Variants in DEPTOR observed in about 807,000 individuals in gnomAD.
DEPTOR encodes DEP domain-containing mTOR-interacting protein.
A neutral mutation model predicts 41.6 loss-of-function variants in DEPTOR; 41 were observed. The observed-to-expected ratio is 0.98, with a 90% confidence interval of 0.77 to 1.28. The LOEUF is 1.28. Ranked by LOEUF, DEPTOR falls within the 50% of genes most tolerant of loss-of-function variation. The pLI, the probability that DEPTOR is intolerant of heterozygous loss-of-function variation, is 0.00. For missense variants in DEPTOR, 514 were observed against 527.9 expected (o/e 0.97, Z 0.26); for synonymous variants, 195 against 192.3 (o/e 1.01, Z -0.12).
At chr8:119,981,652 C>CAA (rs33975978) in intron 4 of DEPTOR, among the ~76,000 whole-genome samples, 28,713 of 136,696 alleles carry the variant, frequency 0.21, 3,215 homozygotes, top group Middle Eastern at 0.32. Flanking sequence ...GACCCTATCT[C>CAA]AAAAAAAAAA....
At chr8:119,924,430 G>C (rs1032077462) in intron 1 of DEPTOR, among the ~76,000 whole-genome samples, 3 of 151,898 alleles carry the variant, frequency 2.0e-5, no homozygotes, top group Non-Finnish European at 4.4e-5. Context: ...CAAACTTTGG[G>C]GTTCTTAATG....
chr8:119,970,785 T>G (rs1398583109), intron 4 of DEPTOR, among the ~76,000 whole-genome samples: 10 of 151,948 alleles, frequency 6.6e-5, no homozygotes, highest in Non-Finnish European at 1.5e-5. Context: ...TCGGGTGGAG[T>G]GTGGAGAAAT....
At chr8:119,905,186 C>T (rs1827646597) in intron 1 of DEPTOR, among the ~76,000 whole-genome samples, 1 of 152,002 alleles carries the variant, frequency 6.6e-6, no homozygotes. Context: ...AATATGAAAA[C>T]CATTGGAATC....
intron 8 of DEPTOR, among the ~76,000 whole-genome samples, chr8:120,041,803 C>T (rs767027438): frequency 6.6e-5 from 10 of 152,190 alleles, no homozygotes; most frequent in Non-Finnish European, 1.0e-4. Context: ...TCCCAAAGTG[C>T]TGGGATTACA....
At chr8:119,876,637 CA>C (rs58180956) in intron 1 of DEPTOR, among the ~76,000 whole-genome samples, 42,290 of 138,706 alleles carry the variant, frequency 0.3, 6,288 homozygotes, top group African/African-American at 0.37. Context: ...GCCTCCATCT[CA>C]AAAAAAAAAA....
chr8:120,033,926 G>A (rs1812933593), intron 8 of DEPTOR, among the ~76,000 whole-genome samples: 1 of 152,070 alleles, frequency 6.6e-6, no homozygotes, highest in Non-Finnish European at 1.5e-5. Context: ...CAAATGAAGG[G>A]GCGGGTGACT....
At chr8:120,001,107 A>G (rs1015422679) in intron 4 of DEPTOR, among the ~76,000 whole-genome samples, 6 of 151,600 alleles carry the variant, frequency 4.0e-5, no homozygotes, top group African/African-American at 1.5e-4. Flanking sequence ...GAGTGTGGCT[A>G]TGAGACAAGC....
rs747315642 is a variant in DEPTOR at position 119,991,030 on chromosome 8, T to TTTTCTTTCTTTCTTTCTTTCTTTC, written c.605-10459_605-10436dup. Reference sequence around the variant, plus strand: ...GGCCTTAAGTACAGCTCGGGTTTTCTTTTCTTTCTTTCTTTCTTTCTTTCT... The same window carrying TTTTCTTTCTTTCTTTCTTTCTTTC: ...GGCCTTAAGTACAGCTCGGGTTTTCTTTTCTTTCTTTCTTTCTTTCTTTCTTTCTTTCTTTCTTTCTTTCTTTCT... On this transcript the variant is annotated intron_variant, in intron 4 of 8. Coordinates refer to ENST00000286234, the MANE Select transcript of DEPTOR (RefSeq NM_022783.4). Among the ~76,000 whole-genome samples the TTTTCTTTCTTTCTTTCTTTCTTTC allele has an allele frequency of 7.0e-3, 375 of 53,666 alleles. 1 individual carries two copies. Among genetic ancestry groups the TTTTCTTTCTTTCTTTCTTTCTTTC allele is most frequent in the Middle Eastern group, 0.013 (1 of 78 alleles). The allele number at this position is 53,666 out of a possible 152,430, so 35.2% of individuals were successfully genotyped here.
intron 8 of DEPTOR, among the ~76,000 whole-genome samples, chr8:120,022,335 G>T (rs1440325012): frequency 6.6e-6 from 1 of 152,014 alleles, no homozygotes; most frequent in East Asian, 1.9e-4. Context: ...TTAACGTTTT[G>T]TTGACACTAA....
intron 8 of DEPTOR, among the ~76,000 whole-genome samples, chr8:120,012,885 A>G (rs552437714): frequency 1.3e-5 from 2 of 152,092 alleles, no homozygotes; most frequent in African/African-American, 4.8e-5. Context: ...GGCCAGGCTC[A>G]GTGGCTCATG....
At chr8:119,974,986 A>G (rs1563579296) in intron 4 of DEPTOR, among the ~76,000 whole-genome samples, 2 of 152,002 alleles carry the variant, frequency 1.3e-5, no homozygotes, top group African/African-American at 4.8e-5. Context: ...CCTGGTGCAG[A>G]GAGGGAGAGA....
intron 3 of DEPTOR, among the ~76,000 whole-genome samples, chr8:119,934,387 G>A (rs564508736): frequency 6.6e-6 from 1 of 152,332 alleles, no homozygotes; most frequent in South Asian, 2.1e-4. Flanking sequence ...TGTGAGTGAG[G>A]AAAGCTTTAG....
intron 1 of DEPTOR, among the ~76,000 whole-genome samples, chr8:119,927,776 T>G (rs909911035): frequency 1.3e-5 from 2 of 151,474 alleles, no homozygotes; most frequent in Admixed American, 1.3e-4. Flanking sequence ...ACCTGGCTAA[T>G]TTTTGTATTT....
At chr8:120,043,812 G>C (rs964279658) in intron 8 of DEPTOR, among the ~76,000 whole-genome samples, 4 of 152,040 alleles carry the variant, frequency 2.6e-5, no homozygotes, top group East Asian at 3.9e-4. Flanking sequence ...AGGAGTTCAA[G>C]ACCAGCCTCG....
chr8:120,003,387 C>T (rs1812386114), intron 6 of DEPTOR, among the ~76,000 whole-genome samples: 1 of 152,150 alleles, frequency 6.6e-6, no homozygotes, highest in Admixed American at 6.6e-5. Context: ...GTTGAGGGGG[C>T]TGGGCCTTTA....
chr8:120,031,421 C>T (rs899971897), intron 8 of DEPTOR, among the ~76,000 whole-genome samples: 4 of 152,144 alleles, frequency 2.6e-5, no homozygotes, highest in East Asian at 1.9e-4. Flanking sequence ...CCCAAGATTG[C>T]GCCACTGCAC....
chr8:119,926,834 C>T (rs7813430), intron 1 of DEPTOR, among the ~76,000 whole-genome samples: 42,807 of 151,956 alleles, frequency 0.28, 6,460 homozygotes, highest in Middle Eastern at 0.39. Flanking sequence ...GATGGTAGAA[C>T]ATTGTACAGT....
intron 1 of DEPTOR, among the ~76,000 whole-genome samples, chr8:119,887,401 CT>C (rs1213228690): frequency 1.7e-3 from 8 of 4,694 alleles, no homozygotes; most frequent in African/African-American, 3.8e-3. Flanking sequence ...TCCCCTCCCC[CT>C]ATCCCCATCC....
At chr8:119,941,041 C>A (rs909223244) in intron 3 of DEPTOR, among the ~76,000 whole-genome samples, 1 of 152,008 alleles carries the variant, frequency 6.6e-6, no homozygotes, top group African/African-American at 2.4e-5. Context: ...GATGGTTGTA[C>A]ACTGCTATGA....
Sources: allele counts gnomAD v4.1 joint callset (sites outside exome capture counted in the v4.1 genomes callset), GRCh38; gene constraint gnomAD v4.1.1; transcripts MANE v1.5; gene names NCBI Gene and HGNC (gene_info 2026-07-23, HGNC 2026-07-21).